Variants in SNX29 observed in about 807,000 individuals in gnomAD.
SNX29 encodes the protein sorting nexin 29, also known as sorting nexin-29.
SNX29 carries 78 observed loss-of-function variants against 102.1 expected under a neutral mutation model. The observed-to-expected ratio is 0.76, with a 90% confidence interval of 0.64 to 0.92. The LOEUF (loss-of-function observed/expected upper bound fraction) is 0.92, where lower values mean the gene tolerates loss of function less well. SNX29 is among the 40% of genes least tolerant of loss of function. The probability of loss-of-function intolerance (pLI) is 0.00; values close to 1 mark genes in which losing one functional copy is unlikely to be tolerated. For synonymous variants in SNX29, 580 were observed against 414.5 expected (o/e 1.40, Z -4.85); for missense variants, 1,280 against 1,061.7 (o/e 1.21, Z -2.86).
chr16:12,103,617 A>AGGACATAGGCAT (rs1317970616), intron 11 of SNX29, among the ~76,000 whole-genome samples: 2 of 152,254 alleles, frequency 1.3e-5, no homozygotes, highest in African/African-American at 2.4e-5. Flanking sequence ...AATACCATTC[A>AGGACATAGGCAT]GGACATAGGC....
intron 14 of SNX29, among the ~76,000 whole-genome samples, chr16:12,259,274 A>G (rs1409479581): frequency 2.0e-5 from 3 of 152,168 alleles, no homozygotes; most frequent in Non-Finnish European, 4.4e-5. Flanking sequence ...GTACATGGGA[A>G]TCGTTTAAAA....
chr16:12,544,637 T>G (rs1794315), intron 20 of SNX29, among the ~76,000 whole-genome samples: 18,486 of 151,986 alleles, frequency 0.12, 1,377 homozygotes, highest in Non-Finnish European at 0.16. Flanking sequence ...GATCGGCAGG[T>G]TCATGTCAGA....
chr16:12,405,289 A>T (rs571393832), intron 18 of SNX29, among the ~76,000 whole-genome samples: 1 of 152,162 alleles, frequency 6.6e-6, no homozygotes, highest in South Asian at 2.1e-4. Context: ...CAACTTGGCA[A>T]TTTTTAGCTC....
At chr16:12,447,360 G>A (rs180711913) in intron 18 of SNX29, among the ~76,000 whole-genome samples, 2 of 152,030 alleles carry the variant, frequency 1.3e-5, no homozygotes, top group East Asian at 3.9e-4. Flanking sequence ...ATGGATTTTT[G>A]TTGTTAGCGG....
At chr16:12,117,560 T>C (rs11647572) in intron 11 of SNX29, among the ~76,000 whole-genome samples, 35,637 of 152,102 alleles carry the variant, frequency 0.23, 4,220 homozygotes, top group Middle Eastern at 0.32. Flanking sequence ...CTGTGAAGCA[T>C]TGGAGTACGT....
intron 1 of SNX29, among the ~76,000 whole-genome samples, chr16:11,995,378 C>G (rs914331700): frequency 3.9e-5 from 6 of 151,928 alleles, no homozygotes; most frequent in Admixed American, 3.9e-4. Flanking sequence ...ACCCCTTTCT[C>G]TTAAGCTCAT....
chr16:12,345,851 A>G (rs2081784026), intron 15 of SNX29, among the ~76,000 whole-genome samples: 1 of 152,160 alleles, frequency 6.6e-6, no homozygotes, highest in Non-Finnish European at 1.5e-5. Flanking sequence ...CCATGCCAAG[A>G]AAATTAGTGG....
At chr16:12,081,454 C>G (rs924822332) in intron 11 of SNX29, 1 of 152,022 alleles carries the variant, frequency 6.6e-6, no homozygotes, top group Non-Finnish European at 1.5e-5. Context: ...GCCCCACTGA[C>G]CAAGAAATCA....
chr16:12,087,527 T>G, intron 11 of SNX29: 1 of 252,958 alleles, frequency 4.0e-6, no homozygotes. Context: ...AGCCCAGGAG[T>G]TCGAGGCTGC....
At chr16:12,183,413 A>G (rs1197054861) in intron 13 of SNX29, among the ~76,000 whole-genome samples, 1 of 151,812 alleles carries the variant, frequency 6.6e-6, no homozygotes, top group East Asian at 1.9e-4. Context: ...AGATTTACCA[A>G]CTTTTTTTTT....
intron 19 of SNX29, among the ~76,000 whole-genome samples, chr16:12,494,780 T>A (rs1477148194): frequency 6.6e-6 from 1 of 152,218 alleles, no homozygotes; most frequent in Non-Finnish European, 1.5e-5. Context: ...ATGGGAAGTG[T>A]TTTGTGTCAC....
At chr16:12,268,550 G>A (rs2079001557) in intron 14 of SNX29, among the ~76,000 whole-genome samples, 1 of 152,134 alleles carries the variant, frequency 6.6e-6, no homozygotes, top group Non-Finnish European at 1.5e-5. Context: ...CCGGTGTCTT[G>A]TAGACATCAT....
rs869186902 is a variant in SNX29 at position 12,118,313 on chromosome 16, C to CTTTTTTTTTTTTTTT, written c.1403-8311_1403-8297dup. ...TGTAGATAGTAGATATACAGACCAC[C>CTTTTTTTTTTTTTTT]TTTTTTTTTTTTTTTTTTTTTTTAT... On this transcript the variant is annotated intron_variant, in intron 11 of 20. Coordinates refer to ENST00000566228, the MANE Select transcript of SNX29 (RefSeq NM_032167.5). 4.3e-3 allele frequency among the ~76,000 whole-genome samples: 366 copies of CTTTTTTTTTTTTTTT among 86,116 alleles called. 30 individuals carry two copies. The highest frequency in any genetic ancestry group is 5.4e-3 in the African/African-American group (104 of 19,286). The allele number at this position is 86,116 out of a possible 152,430, so 56.5% of individuals were successfully genotyped here. A position where few individuals can be genotyped will look rare whatever the true frequency, so the allele number is the denominator to read the frequency against.
At chr16:12,537,364 G>C (rs2077122587) in intron 20 of SNX29, among the ~76,000 whole-genome samples, 3 of 152,190 alleles carry the variant, frequency 2.0e-5, no homozygotes, top group South Asian at 4.1e-4. Context: ...TTGGCAACTT[G>C]GTGCATGACA....
intron 13 of SNX29, among the ~76,000 whole-genome samples, chr16:12,143,417 G>A (rs1021683769): frequency 6.6e-6 from 1 of 152,078 alleles, no homozygotes; most frequent in Non-Finnish European, 1.5e-5. Context: ...GCTTCTCAGG[G>A]TTAGGGCAAG....
chr16:12,401,456 C>T (rs147972909), intron 17 of SNX29, among the ~76,000 whole-genome samples: 1,822 of 150,356 alleles, frequency 0.012, 136 homozygotes, highest in Admixed American at 0.11. Context: ...CCTCTGCCTC[C>T]GGGTTCAAGT....
At chr16:12,482,264 C>G (rs1032721701) in intron 19 of SNX29, among the ~76,000 whole-genome samples, 1 of 152,076 alleles carries the variant, frequency 6.6e-6, no homozygotes, top group Non-Finnish European at 1.5e-5. Context: ...TTTCTTTCTC[C>G]TTTTCCTTTT....
At chr16:12,357,545 T>G (rs2082171035) in intron 16 of SNX29, among the ~76,000 whole-genome samples, 1 of 152,212 alleles carries the variant, frequency 6.6e-6, no homozygotes, top group Non-Finnish European at 1.5e-5. Flanking sequence ...AAAATATACC[T>G]AACATAACTT....
intron 19 of SNX29, among the ~76,000 whole-genome samples, chr16:12,504,983 G>A (rs554165051): frequency 6.6e-6 from 1 of 152,192 alleles, no homozygotes; most frequent in South Asian, 2.1e-4. Flanking sequence ...TGGCTTTTGT[G>A]AAGAATCCTA....
Sources: allele counts gnomAD v4.1 joint callset (sites outside exome capture counted in the v4.1 genomes callset), GRCh38; gene constraint gnomAD v4.1.1; transcripts MANE v1.5; gene names NCBI Gene and HGNC (gene_info 2026-07-23, HGNC 2026-07-21).